ZC3H12B: variants seen among roughly 807,000 people sequenced by gnomAD.
The protein encoded by ZC3H12B is probable ribonuclease ZC3H12B.
A neutral mutation model predicts 43.9 loss-of-function variants in ZC3H12B; 7 were observed. That is an observed-to-expected ratio of 0.16 (90% CI 0.09 to 0.30). The LOEUF (loss-of-function observed/expected upper bound fraction) is 0.30, where lower values mean the gene tolerates loss of function less well. Among genes scored for constraint, ZC3H12B ranks in the 10% least tolerant of loss-of-function variants. The probability of loss-of-function intolerance (pLI) is 1.00; values close to 1 mark genes in which losing one functional copy is unlikely to be tolerated. For synonymous variants in ZC3H12B, 222 were observed against 241.7 expected (o/e 0.92, Z 0.76); for missense variants, 475 against 670.2 (o/e 0.71, Z 3.22).
chrX:65,250,624 C>T, the ZC3H12B span, among the ~76,000 whole-genome samples: 1 of 111,770 alleles, frequency 8.9e-6, no homozygotes, highest in Non-Finnish European at 1.9e-5. Flanking sequence ...TTAATGATCA[C>T]CATTCTAACT....
chrX:65,067,250 G>T, the ZC3H12B span, among the ~76,000 whole-genome samples: 1 of 110,872 alleles, frequency 9.0e-6, no homozygotes, highest in African/African-American at 3.3e-5. Flanking sequence ...TTTTGTGCTT[G>T]AAACCCAGGT....
chrX:65,067,256 C>T, the ZC3H12B span, among the ~76,000 whole-genome samples: 1 of 111,306 alleles, frequency 9.0e-6, no homozygotes. Context: ...GCTTGAAACC[C>T]AGGTTTCTGG....
At chrX:65,127,429 A>T in the ZC3H12B span, among the ~76,000 whole-genome samples, 1 of 111,065 alleles carries the variant, frequency 9.0e-6, no homozygotes, top group East Asian at 2.9e-4. Context: ...GGACTCTAGG[A>T]TGGTTCTTGG....
the ZC3H12B span, among the ~76,000 whole-genome samples, chrX:65,269,931 A>T: frequency 1.8e-5 from 2 of 112,087 alleles, no homozygotes; most frequent in Non-Finnish European, 3.8e-5. Context: ...GATAGTAAGA[A>T]TGAATATTAT....
chrX:65,339,393 G>A, the ZC3H12B span, among the ~76,000 whole-genome samples: 2 of 111,845 alleles, frequency 1.8e-5, no homozygotes, highest in African/African-American at 3.3e-5. Context: ...CTCACCACAG[G>A]CCTCTGGAAT....
the ZC3H12B span, among the ~76,000 whole-genome samples, chrX:65,232,240 C>CA: frequency 2.8e-4 from 31 of 108,967 alleles, no homozygotes; most frequent in South Asian, 0.01. Context: ...GACTCTGTCT[C>CA]AAAAAAATAA....
the ZC3H12B span, among the ~76,000 whole-genome samples, chrX:65,252,128 G>T: frequency 1.8e-5 from 2 of 111,985 alleles, 1 homozygote; most frequent in Admixed American, 1.9e-4. Context: ...CTAATTTATT[G>T]AGAGTTGTTA....
chrX:65,103,808 T>C, the ZC3H12B span, among the ~76,000 whole-genome samples: 1 of 111,545 alleles, frequency 9.0e-6, no homozygotes, highest in Non-Finnish European at 1.9e-5. Flanking sequence ...TTTTCATGGA[T>C]AGGAAGAATC....
the ZC3H12B span, among the ~76,000 whole-genome samples, chrX:65,200,217 C>A: frequency 9.0e-6 from 1 of 110,763 alleles, no homozygotes; most frequent in Non-Finnish European, 1.9e-5. Flanking sequence ...TGTTGAGGTT[C>A]TTTTCCATAT....
chrX:65,468,255 G>A (rs1250885287), intron 3 of ZC3H12B, among the ~76,000 whole-genome samples: 1 of 111,338 alleles, frequency 9.0e-6, no homozygotes, highest in African/African-American at 3.3e-5. Context: ...TTGAAGATCA[G>A]TTGGTTGTAA....
the ZC3H12B span, among the ~76,000 whole-genome samples, chrX:65,284,504 G>T: frequency 8.9e-6 from 1 of 111,978 alleles, no homozygotes; most frequent in Non-Finnish European, 1.9e-5. Flanking sequence ...GCTCATGCCT[G>T]TAATCTCAGC....
At chrX:65,159,725 C>A in the ZC3H12B span, among the ~76,000 whole-genome samples, 1 of 111,636 alleles carries the variant, frequency 9.0e-6, no homozygotes, top group Non-Finnish European at 1.9e-5. Flanking sequence ...CAATTTGACT[C>A]CCTCTTTTCC....
chrX:65,179,181 C>G, the ZC3H12B span, among the ~76,000 whole-genome samples: 15 of 109,914 alleles, frequency 1.4e-4, no homozygotes, highest in Admixed American at 3.0e-4. Context: ...ACCACACGTT[C>G]TCACTCATAA....
At chrX:65,054,630 A>G in the ZC3H12B span, among the ~76,000 whole-genome samples, 1 of 111,931 alleles carries the variant, frequency 8.9e-6, no homozygotes, top group Admixed American at 9.5e-5. Flanking sequence ...GAAGAAAGTC[A>G]TTGGTAGCTT....
intron 3 of ZC3H12B, among the ~76,000 whole-genome samples, chrX:65,427,682 G>A (rs924659184): frequency 9.0e-6 from 1 of 111,671 alleles, no homozygotes; most frequent in Non-Finnish European, 1.9e-5. Flanking sequence ...TTGGTCTCTT[G>A]AAGACAGCAT....
the ZC3H12B span, among the ~76,000 whole-genome samples, chrX:65,096,798 A>G: frequency 1.8e-5 from 2 of 111,814 alleles, no homozygotes; most frequent in East Asian, 2.8e-4. Context: ...TGTAAAAAAT[A>G]ATCGTTTTTA....
chrX:65,279,663 A>G, the ZC3H12B span, among the ~76,000 whole-genome samples: 5 of 112,103 alleles, frequency 4.5e-5, no homozygotes, highest in South Asian at 1.8e-3. Flanking sequence ...AGGAACAAGC[A>G]AAGATTTCAT....
intron 1 of ZC3H12B, among the ~76,000 whole-genome samples, chrX:65,494,649 C>T (rs755691369): frequency 4.7e-4 from 51 of 109,034 alleles, no homozygotes; most frequent in African/African-American, 1.6e-3. Context: ...GGCATGTTGG[C>T]GTGCGTTTGT....
At chrX:65,115,610 AG>A in the ZC3H12B span, among the ~76,000 whole-genome samples, 4 of 111,713 alleles carry the variant, frequency 3.6e-5, no homozygotes, top group Non-Finnish European at 7.5e-5. Context: ...ACCTACTTTT[AG>A]TACTTTAGGG....
Sources: allele counts gnomAD v4.1 joint callset (sites outside exome capture counted in the v4.1 genomes callset), GRCh38; gene constraint gnomAD v4.1.1; transcripts MANE v1.5; gene names NCBI Gene and HGNC (gene_info 2026-07-23, HGNC 2026-07-21).